Variants in GPHN observed in about 807,000 individuals in gnomAD.
GPHN encodes gephyrin.
A neutral mutation model predicts 95.5 loss-of-function variants in GPHN; 17 were observed. The observed-to-expected ratio is 0.18, with a 90% CI of 0.12 to 0.27. The LOEUF is 0.27. Among genes scored for constraint, GPHN ranks in the 10% least tolerant of loss-of-function variants. The pLI is 1.00. For synonymous variants in GPHN, 320 were observed against 322.5 expected (o/e 0.99, Z 0.08); for missense variants, 660 against 978.1 (o/e 0.67, Z 4.34).
At chr14:66,925,007 A>G (rs1054439086) in intron 8 of GPHN, among the ~76,000 whole-genome samples, 2 of 152,194 alleles carry the variant, frequency 1.3e-5, no homozygotes, top group Admixed American at 1.3e-4. Context: ...AGAAAAAGAA[A>G]TAATAAAGTG....
chr14:66,727,937 C>G (rs1053475650), intron 2 of GPHN, among the ~76,000 whole-genome samples: 1 of 152,146 alleles, frequency 6.6e-6, no homozygotes, highest in Non-Finnish European at 1.5e-5. Flanking sequence ...CGAGGCAGCC[C>G]CTTTCATCAC....
chr14:67,382,775 A>G, the GPHN span: 19 of 609,210 alleles, frequency 3.1e-5, no homozygotes, highest in Middle Eastern at 9.0e-4. Context: ...AACAATATAA[A>G]TGAGAAGTTT....
intron 4 of GPHN, among the ~76,000 whole-genome samples, chr14:66,855,540 C>T (rs940644113): frequency 5.9e-5 from 9 of 151,966 alleles, no homozygotes; most frequent in Non-Finnish European, 2.9e-5. Context: ...TTGATGAACA[C>T]CTGGGTTGTT....
At chr14:66,898,466 T>A (rs1186716313) in intron 5 of GPHN, among the ~76,000 whole-genome samples, 1 of 91,756 alleles carries the variant, frequency 1.1e-5, no homozygotes, top group African/African-American at 4.8e-5. Context: ...GCTACTTGTT[T>A]AAAAAAAAAA....
At chr14:66,511,264 TG>T (rs1028141788) in intron 1 of GPHN, among the ~76,000 whole-genome samples, 2 of 152,152 alleles carry the variant, frequency 1.3e-5, no homozygotes, top group African/African-American at 4.8e-5. Flanking sequence ...CTTGAGGTTT[TG>T]CAGTTTTACT....
At chr14:67,412,238 C>G in the GPHN span, 12 of 485,706 alleles carry the variant, frequency 2.5e-5, no homozygotes, top group Non-Finnish European at 3.1e-5. Context: ...GGAAGTCAGA[C>G]CAAGTCGGGA....
At chr14:67,607,803 T>C in the GPHN span, among the ~76,000 whole-genome samples, 1 of 152,194 alleles carries the variant, frequency 6.6e-6, no homozygotes, top group South Asian at 2.1e-4. Flanking sequence ...CAATAGACTT[T>C]AATAGAAGAA....
intron 5 of GPHN, among the ~76,000 whole-genome samples, chr14:66,893,417 G>T (rs909576551): frequency 1.6e-4 from 24 of 152,130 alleles, no homozygotes; most frequent in Non-Finnish European, 3.1e-4. Context: ...TACTGAATGG[G>T]CAAAAACTGG....
intron 4 of GPHN, among the ~76,000 whole-genome samples, chr14:66,834,480 C>T (rs8016186): frequency 6.6e-6 from 1 of 151,782 alleles, no homozygotes; most frequent in Non-Finnish European, 1.5e-5. Flanking sequence ...GTTGAATTTT[C>T]TCAAAGGCCT....
At chr14:67,025,413 T>C (rs767422681) in intron 10 of GPHN, among the ~76,000 whole-genome samples, 1 of 152,190 alleles carries the variant, frequency 6.6e-6, no homozygotes, top group Non-Finnish European at 1.5e-5. Flanking sequence ...AACTTTACCC[T>C]GGTCATTGAT....
chr14:66,819,391 G>A (rs1013863435), intron 3 of GPHN, among the ~76,000 whole-genome samples: 17 of 152,046 alleles, frequency 1.1e-4, no homozygotes, highest in East Asian at 5.8e-4. Flanking sequence ...AGTTGTAAGT[G>A]TGTGGTCTTA....
intron 1 of GPHN, among the ~76,000 whole-genome samples, chr14:66,575,036 T>C (rs1467197551): frequency 1.3e-5 from 2 of 152,224 alleles, no homozygotes; most frequent in Non-Finnish European, 2.9e-5. Context: ...TCCTCTCATA[T>C]GTCTATATTT....
At chr14:67,562,285 T>G in the GPHN span, 1 of 1,613,822 alleles carries the variant, frequency 6.2e-7, no homozygotes, top group Non-Finnish European at 8.5e-7. Flanking sequence ...TGCTTGCACC[T>G]TCCCCAGGTG....
chr14:66,720,233 G>T (rs1333540010), intron 2 of GPHN, among the ~76,000 whole-genome samples: 1 of 152,102 alleles, frequency 6.6e-6, no homozygotes, highest in Non-Finnish European at 1.5e-5. Context: ...TAAAAATAAA[G>T]AGTAAAGGAA....
chr14:67,120,487 T>C (rs1595231165), intron 16 of GPHN, among the ~76,000 whole-genome samples: 1 of 152,192 alleles, frequency 6.6e-6, no homozygotes, highest in Non-Finnish European at 1.5e-5. Flanking sequence ...AAATAATGGG[T>C]TCTCCAGTGA....
intron 17 of GPHN, among the ~76,000 whole-genome samples, chr14:67,126,814 T>C (rs975151125): frequency 3.3e-5 from 5 of 151,650 alleles, no homozygotes; most frequent in African/African-American, 1.2e-4. Context: ...TATTGCGGCA[T>C]TATTCACAAT....
In GPHN at chr14:66,895,570, A is replaced by C. The variant is rs139154001; in HGVS notation, c.389+15537A>C. Among the ~76,000 whole-genome samples, 737 of 152,306 alleles carry C rather than the reference A, an allele frequency of 4.8e-3. 12 individuals carry two copies. The highest frequency in any genetic ancestry group is 0.017 in the African/African-American group (709 of 41,578). Reference sequence around the variant, plus strand: ...TAATATTTTTGAAGTAAAATGATTTATTGATGAAAAATACTTGAAACAGAA... The same window carrying C: ...TAATATTTTTGAAGTAAAATGATTTCTTGATGAAAAATACTTGAAACAGAA... On this transcript the variant is annotated intron_variant, in intron 5 of 22. Transcript: ENST00000478722.
chr14:67,612,161 GCT>G, the GPHN span, among the ~76,000 whole-genome samples: 1 of 152,186 alleles, frequency 6.6e-6, no homozygotes, highest in Non-Finnish European at 1.5e-5. Context: ...TTGCCCACCT[GCT>G]ACTCACCTCC....
intron 2 of GPHN, among the ~76,000 whole-genome samples, chr14:66,694,873 C>G (rs1471150347): frequency 6.6e-6 from 1 of 152,102 alleles, no homozygotes; most frequent in Non-Finnish European, 1.5e-5. Context: ...ATGAACAACC[C>G]TAGGCCGAGC....
Sources: allele counts gnomAD v4.1 joint callset (sites outside exome capture counted in the v4.1 genomes callset), GRCh38; gene constraint gnomAD v4.1.1; transcripts MANE v1.5; gene names NCBI Gene and HGNC (gene_info 2026-07-23, HGNC 2026-07-21).